SUCLG2: variants seen among roughly 807,000 people sequenced by gnomAD.
SUCLG2 encodes succinate--CoA ligase [GDP-forming] subunit beta, mitochondrial.
In SUCLG2, 42 loss-of-function variants were observed where a neutral mutation model predicts 47.9. The observed-to-expected ratio is 0.88, with a 90% CI of 0.69 to 1.14. SUCLG2 has a LOEUF of 1.14. SUCLG2 is among the 50% of genes most tolerant of loss of function. The pLI is 0.00. For missense variants in SUCLG2, 571 were observed against 525.9 expected, an observed-to-expected ratio of 1.09 and a Z score of -0.84; for synonymous variants, 195 against 197.3, an observed-to-expected ratio of 0.99 and a Z score of 0.10.
chr3:67,372,252 T>C (rs1701965503), downstream of SUCLG2, among the ~76,000 whole-genome samples: 1 of 152,136 alleles, frequency 6.6e-6, no homozygotes, highest in Non-Finnish European at 1.5e-5. Flanking sequence ...TAAACAAGAA[T>C]CCAAAGTCCA....
At chr3:67,540,416 A>G (rs969192842) in intron 2 of SUCLG2, among the ~76,000 whole-genome samples, 2 of 152,092 alleles carry the variant, frequency 1.3e-5, no homozygotes, top group Non-Finnish European at 2.9e-5. Context: ...CTAGTAGTAT[A>G]AACAAAGCTG....
chr3:67,462,655 G>A (rs1451413767), intron 9 of SUCLG2, among the ~76,000 whole-genome samples: 1 of 152,160 alleles, frequency 6.6e-6, no homozygotes. Context: ...AAACCAGTAA[G>A]CATAAGTTAG....
chr3:67,610,746 C>A (rs993086417), intron 1 of SUCLG2, among the ~76,000 whole-genome samples: 1 of 152,204 alleles, frequency 6.6e-6, no homozygotes, highest in Admixed American at 6.5e-5. Context: ...CAGTGTCACA[C>A]AGATCATAAA....
intron 2 of SUCLG2, among the ~76,000 whole-genome samples, chr3:67,529,709 G>A (rs1706350288): frequency 1.3e-5 from 2 of 152,192 alleles, no homozygotes; most frequent in South Asian, 4.1e-4. Flanking sequence ...GATAGGGTTG[G>A]GAAAGGGAGG....
At chr3:67,428,224 G>A (rs1575688590) in intron 9 of SUCLG2, among the ~76,000 whole-genome samples, 1 of 152,180 alleles carries the variant, frequency 6.6e-6, no homozygotes, top group Admixed American at 6.5e-5. Flanking sequence ...CATACAGCAG[G>A]GTGCCCCTCT....
chr3:67,502,953 A>G, intron 7 of SUCLG2, among the ~76,000 whole-genome samples: 1 of 152,198 alleles, frequency 6.6e-6, no homozygotes, highest in East Asian at 1.9e-4. Flanking sequence ...CCTGTGCATA[A>G]GGCCAAGGCT....
intron 9 of SUCLG2, among the ~76,000 whole-genome samples, chr3:67,493,573 A>G (rs1349290647): frequency 1.3e-5 from 2 of 152,192 alleles, no homozygotes; most frequent in Non-Finnish European, 2.9e-5. Context: ...AGCCACTAAG[A>G]AAAGCTATTT....
intron 9 of SUCLG2, among the ~76,000 whole-genome samples, chr3:67,463,068 C>G (rs1336306018): frequency 6.6e-6 from 1 of 152,120 alleles, no homozygotes; most frequent in Non-Finnish European, 1.5e-5. Flanking sequence ...GTAAAATGCA[C>G]AAAAAGCAAG....
intron 1 of SUCLG2, among the ~76,000 whole-genome samples, chr3:67,618,815 G>A (rs1700677675): frequency 6.6e-6 from 1 of 152,182 alleles, no homozygotes; most frequent in Non-Finnish European, 1.5e-5. Context: ...TGAAAAGCCA[G>A]CGTTGAAGGG....
At chr3:67,405,099 T>G (rs907467316) in intron 9 of SUCLG2, among the ~76,000 whole-genome samples, 1 of 152,128 alleles carries the variant, frequency 6.6e-6, no homozygotes, top group African/African-American at 2.4e-5. Flanking sequence ...TTATGAGGGT[T>G]GCTATTTACT....
At chr3:67,370,452 T>A (rs183289127), downstream of SUCLG2, among the ~76,000 whole-genome samples, 176 of 152,198 alleles carry the variant, frequency 1.2e-3, 1 homozygote, top group African/African-American at 4.1e-3. Context: ...ATTGGCAAGG[T>A]CACCTGTTTG....
intron 2 of SUCLG2, among the ~76,000 whole-genome samples, chr3:67,547,554 G>A (rs188466681): frequency 4.6e-5 from 7 of 152,276 alleles, no homozygotes; most frequent in Admixed American, 2.0e-4. Flanking sequence ...CCTCCCAGCA[G>A]GAGGTGGAAC....
At chr3:67,514,687 G>A (rs1196075974) in intron 6 of SUCLG2, among the ~76,000 whole-genome samples, 2 of 152,146 alleles carry the variant, frequency 1.3e-5, no homozygotes, top group Non-Finnish European at 2.9e-5. Flanking sequence ...CCTTTCTGTG[G>A]TTTTAGTTAC....
intron 9 of SUCLG2, among the ~76,000 whole-genome samples, chr3:67,457,467 A>T (rs1704214234): frequency 6.6e-6 from 1 of 152,140 alleles, no homozygotes; most frequent in Non-Finnish European, 1.5e-5. Context: ...TCCCTAACTC[A>T]GACCTGCTTG....
intron 2 of SUCLG2, among the ~76,000 whole-genome samples, chr3:67,604,505 C>G (rs542009453): frequency 1.3e-5 from 2 of 152,146 alleles, no homozygotes; most frequent in East Asian, 3.9e-4. Flanking sequence ...TCTACAATCT[C>G]GGCATGTTTT....
intron 9 of SUCLG2, among the ~76,000 whole-genome samples, chr3:67,402,809 A>G (rs1702717601): frequency 6.6e-6 from 1 of 152,264 alleles, no homozygotes; most frequent in African/African-American, 2.4e-5. Context: ...TCAACTTCTC[A>G]GGGAATTCTC....
At chr3:67,542,450 A>G (rs1559564664) in intron 2 of SUCLG2, among the ~76,000 whole-genome samples, 1 of 152,206 alleles carries the variant, frequency 6.6e-6, no homozygotes, top group African/African-American at 2.4e-5. Context: ...AGCTAGCATC[A>G]TAACAACAGG....
rs531249891 is a variant in SUCLG2 at position 67,524,590 on chromosome 3, G to GT, written c.417+3541dup. ...AAATATCTGATGTGTATAAATGTGT[G>GT]TATGTGTTTAAATAGCTTCTGAAAT... On this transcript the variant is annotated intron_variant, in intron 4 of 10. Coordinates refer to ENST00000307227, the MANE Select transcript of SUCLG2 (RefSeq NM_003848.4). Among the ~76,000 whole-genome samples the GT allele has an allele frequency of 8.5e-4, 130 of 152,300 alleles. 1 individual carries two copies. Among genetic ancestry groups the GT allele is most frequent in the African/African-American group, 3.0e-3 (126 of 41,570 alleles).
intron 2 of SUCLG2, among the ~76,000 whole-genome samples, chr3:67,578,314 G>C (rs1472645268): frequency 1.4e-5 from 2 of 147,860 alleles, no homozygotes; most frequent in East Asian, 3.9e-4. Flanking sequence ...ACATATATAT[G>C]ATTTTAAAGC....
Sources: allele counts gnomAD v4.1 joint callset (sites outside exome capture counted in the v4.1 genomes callset), GRCh38; gene constraint gnomAD v4.1.1; transcripts MANE v1.5; gene names NCBI Gene and HGNC (gene_info 2026-07-23, HGNC 2026-07-21).